ITPR1: variants seen among roughly 807,000 people sequenced by gnomAD.
ITPR1 encodes the protein inositol 1,4,5-trisphosphate receptor type 1, also known as inositol 1,4,5-trisphosphate-gated calcium channel ITPR1.
A neutral mutation model predicts 318.4 loss-of-function variants in ITPR1; 96 were observed. The ratio of observed to expected loss-of-function variants is 0.30; its 90% CI spans 0.26 to 0.36. The LOEUF is 0.36. Ranked by LOEUF, ITPR1 falls within the 10% of genes least tolerant of loss-of-function variation. ITPR1 has a pLI of 1.00. For missense variants in ITPR1, 2,440 were observed against 3,460.2 expected (o/e 0.71, Z 7.40); for synonymous variants, 1,312 against 1,289.9 (o/e 1.02, Z -0.37).
At position 4,725,554 on chromosome 3, in the gene ITPR1, A is replaced by G. The variant is rs1404403332; in HGVS notation, c.5145A>G (p.Pro1715=). ...GTTTTACTCCCAATTAGCTTCCTCC[A>G]GCTCCGGATTCTGAGAACGCCACTG... ...IDELDNAELP[P]APDSENATEE... Residue 1715 remains proline, a synonymous_variant, in exon 41 of 62, where the codon CCA becomes CCG. Transcript: ENST00000649015. 9 of 1,598,686 alleles carry G rather than the reference A, an allele frequency of 5.6e-6. No individual in the cohort carries two copies. The highest frequency in any genetic ancestry group is 7.6e-6 in the Non-Finnish European group (9 of 1,179,564).
intron 41 of ITPR1, among the ~76,000 whole-genome samples, chr3:4,726,273 A>G (rs917724190): frequency 6.8e-6 from 1 of 148,032 alleles, no homozygotes; most frequent in Non-Finnish European, 1.5e-5. Context: ...CAGGTGATCC[A>G]CCCGCCTCAG....
chr3:4,533,458 G>A (rs1310771002), intron 4 of ITPR1, among the ~76,000 whole-genome samples: 1 of 152,206 alleles, frequency 6.6e-6, no homozygotes, highest in Non-Finnish European at 1.5e-5. Flanking sequence ...ACACTGTGGA[G>A]CTGATAGGCT....
At chr3:4,549,936 A>G (rs2085391274) in intron 4 of ITPR1, among the ~76,000 whole-genome samples, 1 of 152,236 alleles carries the variant, frequency 6.6e-6, no homozygotes, top group Non-Finnish European at 1.5e-5. Flanking sequence ...TGAAAAGCCA[A>G]GGGTGGTTTG....
At chr3:4,837,936 C>T (rs2051049610) in intron 61 of ITPR1, among the ~76,000 whole-genome samples, 1 of 152,104 alleles carries the variant, frequency 6.6e-6, no homozygotes, top group South Asian at 2.1e-4. Context: ...TGTTGCACAG[C>T]AATAGGCATG....
At chr3:4,513,689 A>T (rs992527420) in intron 2 of ITPR1, among the ~76,000 whole-genome samples, 2 of 152,230 alleles carry the variant, frequency 1.3e-5, no homozygotes, top group South Asian at 2.1e-4. Flanking sequence ...AATTGTGCAT[A>T]AGAAGAAACT....
At chr3:4,646,645 A>C (rs2093464784) in intron 10 of ITPR1, among the ~76,000 whole-genome samples, 1 of 152,182 alleles carries the variant, frequency 6.6e-6, no homozygotes, top group African/African-American at 2.4e-5. Flanking sequence ...AACTTAAAGA[A>C]GCTAGAAGAT....
chr3:4,542,929 A>C (rs1271261303), intron 4 of ITPR1, among the ~76,000 whole-genome samples: 2 of 152,210 alleles, frequency 1.3e-5, no homozygotes, highest in Non-Finnish European at 2.9e-5. Context: ...AATGTTTTCT[A>C]ATATTTCATC....
Position 4,661,434 on chromosome 3 carries a change from C to A in ITPR1, c.1251+347C>A, listed in dbSNP as rs189120702. On this transcript the variant is annotated intron_variant, in intron 14 of 61. Coordinates refer to ENST00000649015, the MANE Select transcript of ITPR1 (RefSeq NM_001378452.1). ...GGTACATCAAGTATCTAGTTGATTT[C>A]CCCCAATCTCTATTATTTGTTTCTC... is the stretch of plus-strand genomic sequence containing the variant. Among the ~76,000 whole-genome samples, 36 of 152,120 alleles carry A rather than the reference C, an allele frequency of 2.4e-4. No homozygotes were observed. The East Asian group carries it at 5.0e-3, about 21-fold the overall frequency.
intron 2 of ITPR1, among the ~76,000 whole-genome samples, chr3:4,510,158 A>C (rs1306693836): frequency 2.0e-5 from 3 of 152,070 alleles, no homozygotes; most frequent in Non-Finnish European, 4.4e-5. Context: ...TGGGAGAGGG[A>C]GGGAGATGTC....
At position 4,821,207 on chromosome 3, in the gene ITPR1, A is replaced by T. The variant is rs568908556; in HGVS notation, c.8028+2965A>T. 3.3e-5 allele frequency among the ~76,000 whole-genome samples: 5 copies of T among 152,364 alleles called. No homozygotes were observed. The South Asian group carries it at 1.0e-3, about 32-fold the overall frequency. On this transcript the variant is annotated intron_variant, in intron 60 of 61. Transcript: ENST00000649015. Reference sequence around the variant, plus strand: ...GGCTCACTGCCCTCTTGCCTTTGATACAGGCTCTTTTAGGGTATGTGGTCC... The same window carrying T: ...GGCTCACTGCCCTCTTGCCTTTGATTCAGGCTCTTTTAGGGTATGTGGTCC...
rs764690202 is a variant in ITPR1, at chr3:4,710,935, G to A, written c.4991+462G>A. Among the ~76,000 whole-genome samples the A allele has an allele frequency of 2.0e-5, 3 of 152,202 alleles. No homozygotes were observed. The highest frequency in any genetic ancestry group is 4.4e-5 in the Non-Finnish European group (3 of 68,036). On this transcript the variant is annotated intron_variant, in intron 38 of 61. Transcript: ENST00000649015. The surrounding 1 kb of genome is among the most constrained non-coding windows in gnomAD (Gnocchi z 4.2). The stretch of plus-strand genomic sequence containing the variant: ...CCATTAGATTTTTGCCCCAAGGCCG[G>A]ACACGGTGGCTCATGCCTGTAATCC...
At chr3:4,589,557 A>G (rs190227781) in intron 4 of ITPR1, among the ~76,000 whole-genome samples, 2 of 152,262 alleles carry the variant, frequency 1.3e-5, no homozygotes, top group Non-Finnish European at 2.9e-5. Context: ...GTCTGGAATG[A>G]CTGCTGTGGC....
chr3:4,626,548 C>G (rs1041332349), intron 4 of ITPR1, among the ~76,000 whole-genome samples: 1 of 151,994 alleles, frequency 6.6e-6, no homozygotes, highest in Non-Finnish European at 1.5e-5. Context: ...ATTACTATTA[C>G]CTTTGATGTT....
chr3:4,704,267 C>A (rs191187403), intron 36 of ITPR1, among the ~76,000 whole-genome samples: 7 of 152,314 alleles, frequency 4.6e-5, no homozygotes, highest in South Asian at 4.1e-4. Context: ...ACAAAATTAG[C>A]CTGGCATGGC....
At chr3:4,686,317 G>A (rs1488007829) in intron 30 of ITPR1, among the ~76,000 whole-genome samples, 1 of 152,156 alleles carries the variant, frequency 6.6e-6, no homozygotes, top group Non-Finnish European at 1.5e-5. Context: ...GGCAGGTCAG[G>A]CCTTTCGGTA....
intron 5 of ITPR1, among the ~76,000 whole-genome samples, chr3:4,630,620 C>T (rs2092986947): frequency 6.7e-6 from 1 of 149,534 alleles, no homozygotes; most frequent in Admixed American, 6.7e-5. Flanking sequence ...GAGTCTCACT[C>T]TGTTGCCCAG....
intron 56 of ITPR1, among the ~76,000 whole-genome samples, chr3:4,811,895 G>A (rs1043482302): frequency 2.0e-5 from 3 of 152,152 alleles, no homozygotes; most frequent in South Asian, 2.1e-4. Flanking sequence ...GTAAATGTTC[G>A]GGGGTGTTTC....
In ITPR1 at chr3:4,711,627, G is replaced by T. The variant is rs146354569; in HGVS notation, c.4992-130G>T. On this transcript the variant is annotated intron_variant, in intron 38 of 61. Transcript: ENST00000649015. Reference sequence around the variant, plus strand: ...TTCTCAGTGCAGGGAATGCCCTGAAGTATCTTTAACCTGAGAGCTCTTAAT... The same window carrying T: ...TTCTCAGTGCAGGGAATGCCCTGAATTATCTTTAACCTGAGAGCTCTTAAT... 978 of 637,528 alleles carry T rather than the reference G, an allele frequency of 1.5e-3. 9 individuals are homozygous for T. Among genetic ancestry groups the T allele is most frequent in the African/African-American group, 0.015 (816 of 54,644 alleles). The allele number at this position is 637,528 out of a possible 1,614,324, so 39.5% of individuals were successfully genotyped here.
chr3:4,796,996 C>G (rs1227186536), intron 53 of ITPR1, among the ~76,000 whole-genome samples: 1 of 152,122 alleles, frequency 6.6e-6, no homozygotes, highest in Non-Finnish European at 1.5e-5. Flanking sequence ...ATCGAGGGTC[C>G]TTCCAACTCT....
Sources: gnomAD v4.1 joint callset for allele counts (sites outside exome capture counted in the v4.1 genomes callset) on GRCh38, gnomAD v4.1.1 for gene constraint, Gnocchi (gnomAD v3.1) non-coding constraint, MANE v1.5 for transcripts, NCBI Gene and HGNC (gene_info 2026-07-23, HGNC 2026-07-21) for gene names.